TXNRD1: variants seen among roughly 807,000 people sequenced by gnomAD.
TXNRD1 encodes thioredoxin reductase 1, cytoplasmic.
Under a neutral mutation model 80.3 loss-of-function variants are expected in TXNRD1, and 57 were observed. That is an observed-to-expected ratio of 0.71 (90% CI 0.57 to 0.89). The LOEUF is 0.89. TXNRD1 is among the 40% of genes least tolerant of loss of function. The pLI, the probability that TXNRD1 is intolerant of heterozygous loss-of-function variation, is 0.00. For synonymous variants in TXNRD1, 291 were observed against 285.2 expected, an observed-to-expected ratio of 1.02 and a Z score of -0.20; for missense variants, 730 against 803.0, an observed-to-expected ratio of 0.91 and a Z score of 1.10.
intron 6 of TXNRD1, among the ~76,000 whole-genome samples, chr12:104,315,223 G>T (rs959379716): frequency 6.6e-6 from 1 of 152,190 alleles, no homozygotes; most frequent in East Asian, 1.9e-4. Flanking sequence ...AGTCAAAAAT[G>T]CATTTAATAC....
intron 3 of TXNRD1, among the ~76,000 whole-genome samples, chr12:104,267,647 A>ATCTTTCTTTCTCTCTT (rs2033535905): frequency 7.1e-6 from 1 of 140,344 alleles, no homozygotes; most frequent in Non-Finnish European, 1.5e-5. Flanking sequence ...ATGTGATGGT[A>ATCTTTCTTTCTCTCTT]TCTTTCTTTC....
Position 104,251,674 on chromosome 12 carries a change from C to T in TXNRD1, c.239C>T (p.Thr80Ile). 6.2e-7 allele frequency: 1 copy of T among 1,613,360 alleles called. No individual in the cohort carries two copies. Among genetic ancestry groups the T allele is most frequent in the Non-Finnish European group, 8.5e-7 (1 of 1,179,740 alleles). ...AGTAGGTCCACATGCACACGCTGTACTGAGGTAAGGCTTTAAACTCAAGGG... is the reference window on the plus strand; with the variant it reads ...AGTAGGTCCACATGCACACGCTGTATTGAGGTAAGGCTTTAAACTCAAGGG... Reference protein sequence around the residue: ...IFSRSTCTRCTEVKKLFKSLC... With the variant: ...IFSRSTCTRCIEVKKLFKSLC... Residue 80 changes from threonine (T) to isoleucine (I), a missense_variant, in exon 2 of 17, where the codon ACT becomes ATT. Transcript: ENST00000525566.
At chr12:104,247,944 C>T (rs2033028069) in intron 1 of TXNRD1, among the ~76,000 whole-genome samples, 7 of 152,208 alleles carry the variant, frequency 4.6e-5, no homozygotes, top group Admixed American at 4.6e-4. Context: ...GTTTCCTCAT[C>T]AGTGGAATGA....
intron 1 of TXNRD1, among the ~76,000 whole-genome samples, chr12:104,226,599 C>A (rs1252246033): frequency 6.6e-6 from 1 of 152,134 alleles, no homozygotes; most frequent in Admixed American, 6.5e-5. Flanking sequence ...GAACGGAATT[C>A]TAGTTTCTGT....
chr12:104,269,637 G>A lies in TXNRD1; in HGVS notation c.304+11558G>A, dbSNP rs564713634. Among the ~76,000 whole-genome samples, 393 of 151,760 alleles carry A rather than the reference G, an allele frequency of 2.6e-3. 2 individuals are homozygous for A. The highest frequency in any genetic ancestry group is 3.7e-3 in the Non-Finnish European group (251 of 67,904). On this transcript the variant is annotated intron_variant, in intron 3 of 16. Coordinates refer to ENST00000525566, the MANE Select transcript of TXNRD1 (RefSeq NM_001093771.3). Reference sequence around the variant, plus strand: ...GGCTGGAGTGCAGTGGCGCGATCTCGGCTCACAGTAACCTCTGCCTCCCAG... The same window carrying A: ...GGCTGGAGTGCAGTGGCGCGATCTCAGCTCACAGTAACCTCTGCCTCCCAG...
rs928457341 is a variant in TXNRD1, at chr12:104,287,524, A to G, written c.305-1407A>G. 9 of 1,589,524 alleles carry G rather than the reference A, an allele frequency of 5.7e-6. No homozygotes were observed. The African/African-American group carries it at 8.0e-5, about 14-fold the overall frequency. On this transcript the variant is annotated intron_variant, in intron 3 of 16. Transcript: ENST00000525566. ...AGATCCTTGAGAATATTAAGAAAGT[A>G]TAACTATGTAAGAATGCTTCTCTAG...
intron 1 of TXNRD1, among the ~76,000 whole-genome samples, chr12:104,244,052 C>T (rs1402973316): frequency 3.3e-5 from 5 of 152,122 alleles, no homozygotes; most frequent in Admixed American, 2.6e-4. Context: ...CCTTATGTAC[C>T]GTGATGTTCC....
At chr12:104,219,982 C>T (rs1434062465) in intron 1 of TXNRD1, among the ~76,000 whole-genome samples, 2 of 152,150 alleles carry the variant, frequency 1.3e-5, no homozygotes, top group African/African-American at 2.4e-5. Context: ...ACTAAATCAG[C>T]CTCAGAGTGA....
intron 1 of TXNRD1, among the ~76,000 whole-genome samples, chr12:104,236,322 C>T (rs1159431030): frequency 6.6e-6 from 1 of 152,186 alleles, no homozygotes; most frequent in Non-Finnish European, 1.5e-5. Flanking sequence ...AGCTTCCTAT[C>T]ACTCCTTTGA....
At chr12:104,237,902 T>C (rs1442779988) in intron 1 of TXNRD1, among the ~76,000 whole-genome samples, 4 of 151,932 alleles carry the variant, frequency 2.6e-5, no homozygotes, top group Non-Finnish European at 4.4e-5. Context: ...TCCCGGCTAC[T>C]CGGGAGGCTG....
chr12:104,319,137 T>C, intron 8 of TXNRD1, 82 bp downstream of exon 8: 1 of 1,476,992 alleles, frequency 6.8e-7, no homozygotes, highest in Non-Finnish European at 9.0e-7. Flanking sequence ...GTTAAAGTAT[T>C]ATAATAAAAG....
chr12:104,254,642 A>ATATATATATATATATATATATATAT (rs1555207862), intron 2 of TXNRD1, among the ~76,000 whole-genome samples: 3 of 104,538 alleles, frequency 2.9e-5, no homozygotes, highest in Non-Finnish European at 5.3e-5. Context: ...AAAAAAAAAA[A>ATATATATATATATATATATATATAT]AAATATATAT....
At chr12:104,296,260 C>A (rs2034432313) in intron 4 of TXNRD1, among the ~76,000 whole-genome samples, 1 of 152,112 alleles carries the variant, frequency 6.6e-6, no homozygotes, top group East Asian at 1.9e-4. Context: ...TCTTGGTATT[C>A]CTAGCATAGT....
chr12:104,289,282 T>G lies in TXNRD1; in HGVS notation c.414+242T>G, dbSNP rs551143088. 1.2e-3 allele frequency: 502 copies of G among 407,026 alleles called. 3 individuals are homozygous for G. Among genetic ancestry groups the G allele is most frequent in the African/African-American group, 9.2e-3 (460 of 50,196 alleles). The allele number at this position is 407,026 out of a possible 1,614,324, so 25.2% of individuals were successfully genotyped here. The stretch of plus-strand genomic sequence containing the variant: ...GCTTTTTATCTTTTAAAATAGCTTT[T>G]TAAAAATGTCCTTTTTCTCCTATTT... On this transcript the variant is annotated intron_variant, in intron 4 of 16. Transcript: ENST00000525566.
chr12:104,278,578 T>G (rs1412121641), intron 3 of TXNRD1, among the ~76,000 whole-genome samples: 1 of 148,002 alleles, frequency 6.8e-6, no homozygotes, highest in Middle Eastern at 3.6e-3. Flanking sequence ...CTTGGCTCAC[T>G]GCAACCTCCA....
chr12:104,316,029 A>G (rs1192212052), intron 7 of TXNRD1, 133 bp downstream of exon 7: 2 of 954,248 alleles, frequency 2.1e-6, no homozygotes, highest in East Asian at 3.2e-5. Context: ...TTTGATGGAT[A>G]TAATCACTGG....
intron 1 of TXNRD1, among the ~76,000 whole-genome samples, chr12:104,226,641 A>G (rs1015688271): frequency 2.0e-5 from 3 of 152,210 alleles, no homozygotes; most frequent in Admixed American, 6.5e-5. Context: ...GATTTTAGAC[A>G]AGTTCCAAAG....
At chr12:104,327,915 C>A (rs1481637181) in intron 13 of TXNRD1, among the ~76,000 whole-genome samples, 1 of 151,680 alleles carries the variant, frequency 6.6e-6, no homozygotes, top group African/African-American at 2.4e-5. Flanking sequence ...AATCCCAATA[C>A]TTTGGGAGGC....
At chr12:104,285,191 C>CAAAT (rs896788285) in intron 3 of TXNRD1, among the ~76,000 whole-genome samples, 99 of 152,080 alleles carry the variant, frequency 6.5e-4, no homozygotes, top group Middle Eastern at 6.8e-3. Flanking sequence ...AACAAACAAA[C>CAAAT]AAATAAATAA....
Sources: allele counts gnomAD v4.1 joint callset (sites outside exome capture counted in the v4.1 genomes callset), GRCh38; gene constraint gnomAD v4.1.1; transcripts MANE v1.5; gene names NCBI Gene and HGNC (gene_info 2026-07-23, HGNC 2026-07-21).